CLMN: variants seen among roughly 807,000 people sequenced by gnomAD.
CLMN encodes the protein calmin, also known as calmin (calponin-like, transmembrane).
A neutral mutation model predicts 92.7 loss-of-function variants in CLMN; 57 were observed. The ratio of observed to expected loss-of-function variants is 0.61; its 90% CI spans 0.50 to 0.77. The LOEUF is 0.77. Ranked by LOEUF, CLMN falls within the 30% of genes least tolerant of loss-of-function variation. CLMN has a pLI of 0.00. For synonymous variants in CLMN, 466 were observed against 470.6 expected, an observed-to-expected ratio of 0.99 and a Z score of 0.13; for missense variants, 1,158 against 1,237.5, an observed-to-expected ratio of 0.94 and a Z score of 0.96.
In CLMN at chr14:95,185,197, A is replaced by G. The variant is rs1205059496; in HGVS notation, c.*6367T>C. On this transcript the variant is annotated 3_prime_UTR_variant, in exon 13 of 13. Coordinates refer to ENST00000298912, the MANE Select transcript of CLMN (RefSeq NM_024734.4). ...CACGATGGAAATGGAACCTGTGCAA[A>G]GTCCATGCAAAGTCTGTGCACCGGG... The G allele has an allele frequency of 6.6e-6, 1 of 152,220 alleles. No homozygotes were observed. Among genetic ancestry groups the G allele is most frequent in the African/African-American group, 2.4e-5 (1 of 41,446 alleles). 9.4% of individuals were successfully genotyped at this position (152,220 alleles called of 1,614,324 possible).
intron 1 of CLMN, among the ~76,000 whole-genome samples, chr14:95,312,073 A>G (rs911638047): frequency 8.6e-5 from 13 of 151,878 alleles, no homozygotes; most frequent in Non-Finnish European, 1.8e-4. Flanking sequence ...TCTCCACCAA[A>G]CTCACAGAGA....
chr14:95,282,287 C>G (rs1233786718), intron 1 of CLMN, among the ~76,000 whole-genome samples: 1 of 152,168 alleles, frequency 6.6e-6, no homozygotes, highest in Non-Finnish European at 1.5e-5. Flanking sequence ...GTGGCCAAAC[C>G]AGACTTCATT....
At chr14:95,209,644 A>G (rs1189966364) in intron 7 of CLMN, among the ~76,000 whole-genome samples, 167 bp from the exon 8 acceptor site, 2 of 152,186 alleles carry the variant, frequency 1.3e-5, no homozygotes, top group Non-Finnish European at 2.9e-5. Flanking sequence ...TTTAACTGAA[A>G]TCTCACAGCT....
At chr14:95,219,153 C>T (rs1461705000) in intron 4 of CLMN, among the ~76,000 whole-genome samples, 1 of 152,220 alleles carries the variant, frequency 6.6e-6, no homozygotes, top group Non-Finnish European at 1.5e-5. Context: ...ACAAAAGACA[C>T]TTGGTAAATG....
chr14:95,279,428 A>C (rs1360452591), intron 1 of CLMN, among the ~76,000 whole-genome samples: 1 of 152,200 alleles, frequency 6.6e-6, no homozygotes, highest in Non-Finnish European at 1.5e-5. Context: ...CTATGCTGGA[A>C]AGAGTTAAAC....
In CLMN at chr14:95,194,543, G is replaced by C; in HGVS notation, c.2762C>G (p.Ser921Trp). The C allele has an allele frequency of 6.2e-7, 1 of 1,614,144 alleles. No homozygotes were observed. The highest frequency in any genetic ancestry group is 1.1e-5 in the South Asian group (1 of 91,078). The change falls in exon 11 of 13, where the codon TCG becomes TGG. Residue 921 changes from serine to tryptophan, a missense_variant. By Grantham distance (177) the Ser-to-Trp change is radical (BLOSUM62 -3). Coordinates refer to ENST00000298912, the MANE Select transcript of CLMN (RefSeq NM_024734.4). The surrounding 1 kb of genome is among the most constrained non-coding windows in gnomAD (Gnocchi z 4.0). ...AGAAATTCACATACTAACCGATTCC[G>C]AAGACCTATGAGTATGTCGTCGAAG... Reference protein sequence around the residue: ...IYLRRHTHRSSESDHFSYVQL... With the variant: ...IYLRRHTHRSWESDHFSYVQL...
At chr14:95,303,625 C>T (rs1204603312) in intron 1 of CLMN, among the ~76,000 whole-genome samples, 1 of 152,338 alleles carries the variant, frequency 6.6e-6, no homozygotes, top group African/African-American at 2.4e-5. Context: ...CTCTGCAATG[C>T]CCCCGATTTC....
chr14:95,284,950 C>T (rs1243480371), intron 1 of CLMN, among the ~76,000 whole-genome samples: 2 of 152,070 alleles, frequency 1.3e-5, no homozygotes, highest in Non-Finnish European at 2.9e-5. Context: ...TATGGTTTGG[C>T]TGTGTCCCCA....
In CLMN at chr14:95,184,054, T is replaced by C. The variant is rs1292375921; in HGVS notation, c.*7510A>G. 1 of 152,110 alleles carries C rather than the reference T, an allele frequency of 6.6e-6. No individual in the cohort carries two copies. The highest frequency in any genetic ancestry group is 1.5e-5 in the Non-Finnish European group (1 of 68,020). The allele number at this position is 152,110 out of a possible 1,614,324, so 9.4% of individuals were successfully genotyped here. On this transcript the variant is annotated 3_prime_UTR_variant, in exon 13 of 13. Coordinates refer to ENST00000298912, the MANE Select transcript of CLMN (RefSeq NM_024734.4). ...ACACTAAGGGTTAGGGAAAGAGGTATAGTCAACGCTTGCTTCAAGAGGAAG... is the reference window on the plus strand; with the variant it reads ...ACACTAAGGGTTAGGGAAAGAGGTACAGTCAACGCTTGCTTCAAGAGGAAG...
At chr14:95,249,533 C>T (rs894670289) in intron 1 of CLMN, among the ~76,000 whole-genome samples, 1 of 152,098 alleles carries the variant, frequency 6.6e-6, no homozygotes, top group Non-Finnish European at 1.5e-5. Flanking sequence ...TGCTGGTTGC[C>T]TCCCCAATAT....
At chr14:95,276,733 T>A (rs1485353668) in intron 1 of CLMN, among the ~76,000 whole-genome samples, 1 of 152,152 alleles carries the variant, frequency 6.6e-6, no homozygotes, top group African/African-American at 2.4e-5. Flanking sequence ...TTTGAATGGA[T>A]TAAAGACAAC....
At chr14:95,302,225 G>C (rs1452907826) in intron 1 of CLMN, among the ~76,000 whole-genome samples, 2 of 151,988 alleles carry the variant, frequency 1.3e-5, no homozygotes, top group Non-Finnish European at 2.9e-5. Flanking sequence ...GCTTGAACCC[G>C]GGAGGCAGAG....
At chr14:95,215,782 A>G in intron 4 of CLMN, 49 bp from the exon 5 acceptor site, 1 of 1,363,032 alleles carries the variant, frequency 7.3e-7, no homozygotes, top group African/African-American at 1.4e-5. Context: ...CAGGGAGGAT[A>G]ACATATGTTA....
chr14:95,276,973 G>GC (rs1899956321), intron 1 of CLMN, among the ~76,000 whole-genome samples: 1 of 151,180 alleles, frequency 6.6e-6, no homozygotes, highest in Admixed American at 6.6e-5. Context: ...ACATGGCTTG[G>GC]CCCCCCCATA....
At chr14:95,264,379 G>A (rs1899384144) in intron 1 of CLMN, among the ~76,000 whole-genome samples, 1 of 152,012 alleles carries the variant, frequency 6.6e-6, no homozygotes, top group Non-Finnish European at 1.5e-5. Flanking sequence ...TTGTGACCTC[G>A]GAGTGCCAGA....
intron 1 of CLMN, among the ~76,000 whole-genome samples, chr14:95,292,428 T>TCCCCCCCC (rs1263766978): frequency 2.9e-3 from 215 of 74,064 alleles, no homozygotes; most frequent in African/African-American, 4.0e-3. Flanking sequence ...CCCCCAAGGG[T>TCCCCCCCC]CCCCCACCCC....
chr14:95,319,086 G>T (rs1396763452), intron 1 of CLMN, among the ~76,000 whole-genome samples: 1 of 152,132 alleles, frequency 6.6e-6, no homozygotes, highest in Non-Finnish European at 1.5e-5. Flanking sequence ...GGGCCAGCGT[G>T]GGGGAAGGGT....
intron 1 of CLMN, among the ~76,000 whole-genome samples, chr14:95,250,924 G>A (rs1898758077): frequency 1.3e-5 from 2 of 152,204 alleles, no homozygotes; most frequent in South Asian, 4.1e-4. Flanking sequence ...GAGGAGAATG[G>A]AAAGGACAAG....
chr14:95,217,179 C>T (rs192415194), intron 4 of CLMN, among the ~76,000 whole-genome samples: 2 of 152,348 alleles, frequency 1.3e-5, no homozygotes, highest in East Asian at 3.9e-4. Context: ...AGTCAAGATA[C>T]ACTATCAGGT....
Sources: allele counts gnomAD v4.1 joint callset (sites outside exome capture counted in the v4.1 genomes callset), GRCh38; gene constraint gnomAD v4.1.1; non-coding constraint Gnocchi (gnomAD v3.1); transcripts MANE v1.5; gene names NCBI Gene and HGNC (gene_info 2026-07-23, HGNC 2026-07-21).